Variants in ERCC8 observed in about 807,000 individuals in gnomAD.
The protein encoded by ERCC8 is ERCC excision repair 8, CSA ubiquitin ligase complex subunit.
In ERCC8, 52 loss-of-function variants were observed where a neutral mutation model predicts 54.9. The observed-to-expected ratio is 0.95, with a 90% confidence interval of 0.76 to 1.19. The LOEUF is 1.19. Among genes scored for constraint, ERCC8 ranks in the 50% most tolerant of loss-of-function variants. ERCC8 has a pLI of 0.00. For missense variants in ERCC8, 514 were observed against 466.1 expected, an observed-to-expected ratio of 1.10 and a Z score of -0.95; for synonymous variants, 146 against 157.2, an observed-to-expected ratio of 0.93 and a Z score of 0.53.
Position 60,868,461 on chromosome 5 carries a change from T to A in ERCC8, c.*6154A>T, listed in dbSNP as rs551516453. On this transcript the variant is annotated 3_prime_UTR_variant, in exon 12 of 12. Transcript: ENST00000676185. ...CCTACACACAGAGAACTAAGAGAGG[T>A]CGCAACATAGTTCTTTAATTTTACC... Among the ~76,000 whole-genome samples, 4 of 152,022 alleles carry A rather than the reference T, an allele frequency of 2.6e-5. No homozygotes were observed. The South Asian group carries it at 8.3e-4, about 32-fold the overall frequency.
chr5:60,891,830 T>G, intron 9 of ERCC8: 1 of 355,296 alleles, frequency 2.8e-6, no homozygotes, highest in South Asian at 2.4e-5. Flanking sequence ...AGGGTTCTTT[T>G]AATATGCAGA....
chr5:60,907,780 T>C (rs1749122388), intron 4 of ERCC8, among the ~76,000 whole-genome samples: 2 of 152,196 alleles, frequency 1.3e-5, no homozygotes, highest in South Asian at 4.1e-4. Flanking sequence ...ATTTTCGCCC[T>C]ACATTCTCCC....
chr5:60,914,734 T>A (rs1479248265), intron 4 of ERCC8, among the ~76,000 whole-genome samples: 1 of 150,228 alleles, frequency 6.7e-6, no homozygotes, highest in African/African-American at 2.5e-5. Context: ...TTATAGTGAG[T>A]TATAATTGCG....
At chr5:60,906,918 CTGATA>C (rs1230962906) in intron 4 of ERCC8, among the ~76,000 whole-genome samples, 2 of 152,114 alleles carry the variant, frequency 1.3e-5, no homozygotes, top group African/African-American at 2.4e-5. Context: ...AGTTTTCTCA[CTGATA>C]TAAGTTTTGC....
rs1747793608 is a variant in ERCC8, at chr5:60,868,230, G to T, written c.*6385C>A. 6.6e-6 allele frequency among the ~76,000 whole-genome samples: 1 copy of T among 152,182 alleles called. No homozygotes were observed. The highest frequency in any genetic ancestry group is 2.4e-5 in the African/African-American group (1 of 41,442). ...AAACTGTCAAGGCATAAAAACACGA[G>T]CAGCTTAATGAACTTAGTCTTAACA... On this transcript the variant is annotated 3_prime_UTR_variant, in exon 12 of 12. Transcript: ENST00000676185.
rs1747894398 is a variant in ERCC8, at chr5:60,872,919, C to G, written c.*1696G>C. On this transcript the variant is annotated 3_prime_UTR_variant, in exon 12 of 12. Coordinates refer to ENST00000676185, the MANE Select transcript of ERCC8 (RefSeq NM_000082.4). ...CAGGATATGGTATCAACCTAAGCAT[C>G]TGTCAATGGTTGAATGGATAAAGAA... 6.6e-6 allele frequency among the ~76,000 whole-genome samples: 1 copy of G among 152,184 alleles called. No individual in the cohort carries two copies. Among genetic ancestry groups the G allele is most frequent in the South Asian group, 2.1e-4 (1 of 4,832 alleles).
chr5:60,889,282 C>T (rs1467845299), intron 10 of ERCC8, among the ~76,000 whole-genome samples: 4 of 152,086 alleles, frequency 2.6e-5, no homozygotes, highest in Non-Finnish European at 5.9e-5. Flanking sequence ...ATATCTCATT[C>T]CTCATCAAAT....
At chr5:60,927,335 A>C (rs2112530079) in intron 2 of ERCC8, among the ~76,000 whole-genome samples, 1 of 152,298 alleles carries the variant, frequency 6.6e-6, no homozygotes, top group South Asian at 2.1e-4. Flanking sequence ...TTTTCCACAG[A>C]ATGTACGCTT....
intron 1 of ERCC8, among the ~76,000 whole-genome samples, chr5:60,932,865 G>A (rs1749949647): frequency 6.6e-6 from 1 of 152,094 alleles, no homozygotes; most frequent in African/African-American, 2.4e-5. Context: ...AAAGGAGGGA[G>A]GGTAAAAAGG....
rs150950141 is a variant in ERCC8, at chr5:60,880,944, C to G, written c.1123-6261G>C. ...CTTTGGAGGAGGAGAGGTGCTCTGACTTTTAGAGTTTCCAGTTTTTCTGCT... is the reference window on the plus strand; with the variant it reads ...CTTTGGAGGAGGAGAGGTGCTCTGAGTTTTAGAGTTTCCAGTTTTTCTGCT... On this transcript the variant is annotated intron_variant, in intron 11 of 11. Transcript: ENST00000676185. 1.2e-3 allele frequency among the ~76,000 whole-genome samples: 186 copies of G among 152,216 alleles called. 7 individuals are homozygous for G. In the East Asian group the frequency reaches 0.029, roughly 24 times the overall value.
chr5:60,893,707 C>A (rs1263505056), intron 9 of ERCC8: 1 of 437,526 alleles, frequency 2.3e-6, no homozygotes. Flanking sequence ...CTTCCGGATG[C>A]CAGCCTGGCG....
chr5:60,918,219 C>T, intron 4 of ERCC8, 46 bp downstream of exon 4: 1 of 1,433,186 alleles, frequency 7.0e-7, no homozygotes, highest in Non-Finnish European at 9.8e-7. Flanking sequence ...GGATTAAATT[C>T]TCCTTTATCC....
chr5:60,938,465 T>C (rs1233749365), intron 1 of ERCC8, among the ~76,000 whole-genome samples: 2 of 150,392 alleles, frequency 1.3e-5, no homozygotes, highest in Non-Finnish European at 3.0e-5. Flanking sequence ...GCGATTCTCC[T>C]GCCTCAGCCC....
At chr5:60,886,289 C>G (rs894521343) in intron 11 of ERCC8, among the ~76,000 whole-genome samples, 17 of 152,220 alleles carry the variant, frequency 1.1e-4, no homozygotes, top group African/African-American at 3.9e-4. Context: ...TGTTTACCTA[C>G]TGTGTTTTTA....
chr5:60,898,153 C>T, intron 9 of ERCC8, 123 bp downstream of exon 9: 1 of 1,134,616 alleles, frequency 8.8e-7, no homozygotes, highest in South Asian at 1.4e-5. Context: ...ATAGTAGAAA[C>T]ACATTTTTAA....
rs976068054 is a variant in ERCC8 at position 60,873,224 on chromosome 5, C to T, written c.*1391G>A. Among the ~76,000 whole-genome samples, 1 of 152,106 alleles carries T rather than the reference C, an allele frequency of 6.6e-6. No homozygotes were observed. Among genetic ancestry groups the T allele is most frequent in the South Asian group, 2.1e-4 (1 of 4,826 alleles). ...TGTCAGTTAGCTAGATTTAGTCATT[C>T]TATAATGTATATATGCTTCAAAACA... On this transcript the variant is annotated 3_prime_UTR_variant, in exon 12 of 12. Transcript: ENST00000676185.
At chr5:60,898,145 A>T in intron 9 of ERCC8, 131 bp downstream of exon 9, 2 of 1,024,682 alleles carry the variant, frequency 2.0e-6, no homozygotes, top group Non-Finnish European at 2.9e-6. Flanking sequence ...TAGTCCACAT[A>T]GTAGAAACAC....
At chr5:60,883,374 A>G (rs569477090) in intron 11 of ERCC8, among the ~76,000 whole-genome samples, 1 of 152,318 alleles carries the variant, frequency 6.6e-6, no homozygotes, top group South Asian at 2.1e-4. Context: ...CCACTGATCA[A>G]GTGTCACTAC....
At chr5:60,900,404 C>T (rs1449663296) in intron 7 of ERCC8, among the ~76,000 whole-genome samples, 4 of 152,132 alleles carry the variant, frequency 2.6e-5, no homozygotes, top group South Asian at 2.1e-4. Flanking sequence ...GGCAATCCGA[C>T]GTGCTCCTAA....
Sources: gnomAD v4.1 joint callset for allele counts (sites outside exome capture counted in the v4.1 genomes callset) on GRCh38, gnomAD v4.1.1 for gene constraint, MANE v1.5 for transcripts, NCBI Gene and HGNC (gene_info 2026-07-23, HGNC 2026-07-21) for gene names.